Variants in TMEM185A observed in about 807,000 individuals in gnomAD.
The protein encoded by TMEM185A is transmembrane protein 185A.
A neutral mutation model predicts 25.0 loss-of-function variants in TMEM185A; 9 were observed. That is an observed-to-expected ratio of 0.36 (90% CI 0.22 to 0.63). The LOEUF (loss-of-function observed/expected upper bound fraction) is 0.63. Among genes scored for constraint, TMEM185A ranks in the 20% least tolerant of loss-of-function variants. The pLI, the probability that TMEM185A is intolerant of heterozygous loss-of-function variation, is 0.68. For synonymous variants in TMEM185A, 45 were observed against 93.5 expected, an observed-to-expected ratio of 0.48 and a Z score of 2.99; for missense variants, 103 against 237.4, an observed-to-expected ratio of 0.43 and a Z score of 3.72.
At chrX:149,623,229 G>C (rs901883256) in intron 1 of TMEM185A, among the ~76,000 whole-genome samples, 17 of 111,787 alleles carry the variant, frequency 1.5e-4, no homozygotes, top group African/African-American at 5.5e-4. Flanking sequence ...GTGGTGGGTA[G>C]GGTGCTGCAG....
At chrX:149,606,904 T>C (rs1242255640) in intron 3 of TMEM185A, 2 of 112,371 alleles carry the variant, frequency 1.8e-5, no homozygotes, top group African/African-American at 6.5e-5. Flanking sequence ...CTGTGGGGGA[T>C]TGGTTCCAGG....
intron 1 of TMEM185A, among the ~76,000 whole-genome samples, chrX:149,625,326 G>A (rs984672093): frequency 8.9e-6 from 1 of 112,293 alleles, no homozygotes; most frequent in African/African-American, 3.2e-5. Context: ...CATTCAGCAC[G>A]TAATTCAGCA....
chrX:149,611,019 C>T (rs1412484377), intron 2 of TMEM185A, among the ~76,000 whole-genome samples: 1 of 111,692 alleles, frequency 9.0e-6, no homozygotes, highest in Non-Finnish European at 1.9e-5. Flanking sequence ...GTATGGCATA[C>T]CAGTTCTGTA....
intron 1 of TMEM185A, among the ~76,000 whole-genome samples, chrX:149,622,734 TCAA>T (rs201104619): frequency 0.029 from 3,217 of 111,763 alleles, 102 homozygotes; most frequent in African/African-American, 0.089. Flanking sequence ...AGATGATGTA[TCAA>T]CAAGTAACTA....
chrX:149,631,607 C>T lies in TMEM185A; in HGVS notation c.-27G>A. On this transcript the variant is annotated 5_prime_UTR_variant, in exon 1 of 7. Coordinates refer to ENST00000600449, the MANE Select transcript of TMEM185A (RefSeq NM_032508.4). Reference sequence around the variant, plus strand: ...GCGGAGAACTTCACCGCGGCGTCCTCCTCCTCCTCCCCCGCACCCCGTGCT... The same window carrying T: ...GCGGAGAACTTCACCGCGGCGTCCTTCTCCTCCTCCCCCGCACCCCGTGCT... 8.7e-7 allele frequency: 1 copy of T among 1,149,276 alleles called. No homozygotes were observed. Among genetic ancestry groups the T allele is most frequent in the Non-Finnish European group, 1.2e-6 (1 of 860,908 alleles). The allele number at this position is 1,149,276 out of a possible 1,213,427, so 94.7% of individuals were successfully genotyped here.
chrX:149,616,652 TG>T (rs1463827624), intron 1 of TMEM185A, among the ~76,000 whole-genome samples: 1 of 112,096 alleles, frequency 8.9e-6, no homozygotes, highest in Non-Finnish European at 1.9e-5. Context: ...ACAGGTTCCA[TG>T]GAAGTGGGTA....
At chrX:149,628,097 A>T (rs2090172843) in intron 1 of TMEM185A, among the ~76,000 whole-genome samples, 1 of 111,872 alleles carries the variant, frequency 8.9e-6, no homozygotes, top group Non-Finnish European at 1.9e-5. Flanking sequence ...CCTTTGTTCC[A>T]GTCTAGCACA....
At chrX:149,625,712 A>T (rs782378549) in intron 1 of TMEM185A, among the ~76,000 whole-genome samples, 8 of 112,677 alleles carry the variant, frequency 7.1e-5, no homozygotes, top group African/African-American at 2.6e-4. Flanking sequence ...AGATGATCAT[A>T]AAGCAATGAG....
intron 1 of TMEM185A, among the ~76,000 whole-genome samples, chrX:149,626,909 T>C (rs2090166074): frequency 8.9e-6 from 1 of 112,421 alleles, no homozygotes; most frequent in African/African-American, 3.2e-5. Context: ...GCTGCCAGCA[T>C]ACTTCGCCTC....
intron 3 of TMEM185A, among the ~76,000 whole-genome samples, chrX:149,606,225 AC>A (rs1882528604): frequency 8.9e-6 from 1 of 112,576 alleles, no homozygotes; most frequent in African/African-American, 3.2e-5. Flanking sequence ...CCGGATTTTC[AC>A]ACAGCATTAG....
At chrX:149,627,832 T>C (rs1484755773) in intron 1 of TMEM185A, among the ~76,000 whole-genome samples, 1 of 112,558 alleles carries the variant, frequency 8.9e-6, no homozygotes, top group Non-Finnish European at 1.9e-5. Context: ...TGGCACGAGA[T>C]AGGAATCTAG....
At chrX:149,627,647 G>A (rs1557356185) in intron 1 of TMEM185A, among the ~76,000 whole-genome samples, 1 of 112,330 alleles carries the variant, frequency 8.9e-6, no homozygotes, top group African/African-American at 3.2e-5. Flanking sequence ...GCTCGAGACA[G>A]AATTAGTAGC....
intron 1 of TMEM185A, among the ~76,000 whole-genome samples, chrX:149,627,783 T>C (rs1490228416): frequency 5.3e-5 from 6 of 112,395 alleles, no homozygotes; most frequent in Non-Finnish European, 1.1e-4. Flanking sequence ...GAGGACTATA[T>C]TCCTTTATTT....
At chrX:149,624,484 T>C (rs1386109536) in intron 1 of TMEM185A, among the ~76,000 whole-genome samples, 1 of 111,978 alleles carries the variant, frequency 8.9e-6, no homozygotes, top group Non-Finnish European at 1.9e-5. Context: ...ACCTATCAGT[T>C]TTTTTCCAGT....
intron 1 of TMEM185A, among the ~76,000 whole-genome samples, chrX:149,625,697 A>G (rs970708640): frequency 1.8e-5 from 2 of 112,547 alleles, no homozygotes; most frequent in Non-Finnish European, 3.8e-5. Flanking sequence ...TTGGTTGAAA[A>G]TGATAGATGA....
At chrX:149,624,039 T>C (rs1256619980) in intron 1 of TMEM185A, among the ~76,000 whole-genome samples, 1 of 112,711 alleles carries the variant, frequency 8.9e-6, no homozygotes. Flanking sequence ...CTAAACTACT[T>C]TGAGTTACTT....
At chrX:149,611,897 AGACTGGAAAAGGCT>A (rs1344827847) in intron 1 of TMEM185A, among the ~76,000 whole-genome samples, 2 of 112,138 alleles carry the variant, frequency 1.8e-5, no homozygotes, top group Non-Finnish European at 3.8e-5. Flanking sequence ...CAAGACACAG[AGACTGGAAAAGGCT>A]GACATGCTCT....
At chrX:149,606,565 G>A (rs970652954) in intron 3 of TMEM185A, among the ~76,000 whole-genome samples, 11 of 111,926 alleles carry the variant, frequency 9.8e-5, no homozygotes, top group East Asian at 2.8e-4. Flanking sequence ...TGCTCCCGTC[G>A]GATCTGAATC....
intron 1 of TMEM185A, among the ~76,000 whole-genome samples, chrX:149,628,256 T>G (rs1426865426): frequency 9.0e-6 from 1 of 110,965 alleles, no homozygotes; most frequent in African/African-American, 3.3e-5. Context: ...AGCAGAAAAT[T>G]TCAAGGCTCC....
Sources: gnomAD v4.1 joint callset for allele counts (sites outside exome capture counted in the v4.1 genomes callset) on GRCh38, gnomAD v4.1.1 for gene constraint, MANE v1.5 for transcripts, NCBI Gene and HGNC (gene_info 2026-07-23, HGNC 2026-07-21) for gene names.